The following TENM1 variants were observed in gnomAD, a reference collection of about 807,000 sequenced individuals.
TENM1 encodes teneurin transmembrane protein 1.
Under a neutral mutation model 174.8 loss-of-function variants are expected in TENM1, and 35 were observed. The observed-to-expected ratio is 0.20, with a 90% CI of 0.15 to 0.27. The LOEUF is 0.27. TENM1 is among the 10% of genes least tolerant of loss of function. The pLI, the probability that TENM1 is intolerant of heterozygous loss-of-function variation, is 1.00. For synonymous variants in TENM1, 781 were observed against 798.7 expected (o/e 0.98, Z 0.37); for missense variants, 1,633 against 2,130.1 (o/e 0.77, Z 4.59).
intron 3 of TENM1, among the ~76,000 whole-genome samples, chrX:124,764,259 A>G (rs1465463966): frequency 9.0e-6 from 1 of 111,312 alleles, no homozygotes; most frequent in African/African-American, 3.3e-5. Context: ...TGGTCTTTAA[A>G]CCCAAGACCA....
chrX:125,004,814 T>C, the TENM1 span, among the ~76,000 whole-genome samples: 1 of 112,074 alleles, frequency 8.9e-6, no homozygotes, highest in Non-Finnish European at 1.9e-5. Flanking sequence ...CTATGTTTTT[T>C]TCTTTTTTAA....
rs1236716244 is a variant in TENM1 at position 124,420,945 on chromosome X, C to T, written c.4472-124G>A. On this transcript the variant is annotated intron_variant, in intron 24 of 31. Transcript: ENST00000422452. Reference sequence around the variant, plus strand: ...GAAACAATCAGTGAACCAACATTCTCTGTATTCCCTCCCTGAAAAATATGA... The same window carrying T: ...GAAACAATCAGTGAACCAACATTCTTTGTATTCCCTCCCTGAAAAATATGA... The T allele has an allele frequency of 8.0e-6, 5 of 625,671 alleles. No homozygotes were observed. The East Asian group carries it at 1.0e-4, about 13-fold the overall frequency. The allele number at this position is 625,671 out of a possible 1,213,427, so 51.6% of individuals were successfully genotyped here.
chrX:125,124,318 T>C, the TENM1 span, among the ~76,000 whole-genome samples: 1 of 112,094 alleles, frequency 8.9e-6, no homozygotes, highest in Admixed American at 9.6e-5. Context: ...TCACAAGATA[T>C]GAGAATTTAG....
At chrX:124,821,604 G>A (rs1219374907) in intron 3 of TENM1, among the ~76,000 whole-genome samples, 1 of 112,058 alleles carries the variant, frequency 8.9e-6, no homozygotes, top group African/African-American at 3.2e-5. Flanking sequence ...GAATAAAACC[G>A]TTCAACCAAT....
chrX:124,517,877 G>A (rs73215113), intron 18 of TENM1, among the ~76,000 whole-genome samples: 18,287 of 109,927 alleles, frequency 0.17, 1,442 homozygotes, highest in African/African-American at 0.29. Context: ...GAGAAAAATT[G>A]GAGGAATTTT....
chrX:124,949,587 T>C (rs187650069), intron 1 of TENM1, among the ~76,000 whole-genome samples: 13 of 111,661 alleles, frequency 1.2e-4, no homozygotes, highest in Non-Finnish European at 1.9e-4. Context: ...GCAAGTAGTT[T>C]CTAGGTAGAG....
chrX:124,888,195 C>A (rs975688759), intron 3 of TENM1, among the ~76,000 whole-genome samples: 1 of 111,525 alleles, frequency 9.0e-6, no homozygotes, highest in Non-Finnish European at 1.9e-5. Context: ...GTAGCACATA[C>A]CGCACTACTT....
At chrX:124,619,712 T>C (rs756339741) in intron 11 of TENM1, among the ~76,000 whole-genome samples, 234 of 112,089 alleles carry the variant, frequency 2.1e-3, no homozygotes, top group African/African-American at 7.0e-3. Flanking sequence ...TGTGTCAATA[T>C]GGAAGAGTGT....
chrX:125,164,072 G>C, the TENM1 span, among the ~76,000 whole-genome samples: 2 of 111,648 alleles, frequency 1.8e-5, no homozygotes, highest in Non-Finnish European at 3.8e-5. Flanking sequence ...ATGTAATAAT[G>C]AGCTGATCTG....
the TENM1 span, among the ~76,000 whole-genome samples, chrX:125,154,650 A>G: frequency 2.7e-5 from 3 of 111,342 alleles, no homozygotes; most frequent in Admixed American, 2.9e-4. Context: ...GAATGAAGCC[A>G]CGGACCCTCG....
chrX:125,061,235 CATTT>C, the TENM1 span, among the ~76,000 whole-genome samples: 1 of 111,400 alleles, frequency 9.0e-6, no homozygotes, highest in African/African-American at 3.3e-5. Flanking sequence ...CTGCCTCTTT[CATTT>C]ATTTATTTCC....
chrX:125,069,146 C>G, the TENM1 span, among the ~76,000 whole-genome samples: 4 of 111,571 alleles, frequency 3.6e-5, no homozygotes, highest in African/African-American at 1.3e-4. Context: ...CTTTAACACT[C>G]ACCGCCCTCT....
chrX:124,837,144 A>C (rs1472365225), intron 3 of TENM1, among the ~76,000 whole-genome samples: 1 of 112,267 alleles, frequency 8.9e-6, no homozygotes, highest in Non-Finnish European at 1.9e-5. Flanking sequence ...GCAACAGTGC[A>C]ATGGCATGGT....
chrX:124,807,732 A>G (rs1348000033), intron 3 of TENM1, among the ~76,000 whole-genome samples: 1 of 111,755 alleles, frequency 8.9e-6, no homozygotes, highest in East Asian at 2.8e-4. Flanking sequence ...AATTGTCATC[A>G]AAGTTAAGTT....
At chrX:124,482,539 C>T (rs1326982807) in intron 21 of TENM1, among the ~76,000 whole-genome samples, 1 of 111,334 alleles carries the variant, frequency 9.0e-6, no homozygotes, top group Admixed American at 9.6e-5. Context: ...TTCCCTTTTT[C>T]AATTGACTAC....
At chrX:124,593,368 T>G (rs1206554135) in intron 11 of TENM1, among the ~76,000 whole-genome samples, 1 of 111,509 alleles carries the variant, frequency 9.0e-6, no homozygotes, top group Non-Finnish European at 1.9e-5. Context: ...CCATGATCTG[T>G]GCCCAGAAAG....
the TENM1 span, among the ~76,000 whole-genome samples, chrX:125,090,227 T>A: frequency 8.9e-6 from 1 of 111,989 alleles, no homozygotes; most frequent in Non-Finnish European, 1.9e-5. Flanking sequence ...CTTTCCACTG[T>A]ATGTCAGGCA....
chrX:124,752,774 C>T (rs1265459466), intron 3 of TENM1, among the ~76,000 whole-genome samples: 1 of 109,820 alleles, frequency 9.1e-6, no homozygotes, highest in Non-Finnish European at 1.9e-5. Flanking sequence ...GCTTGTTTTT[C>T]TCAGGTTTGT....
intron 5 of TENM1, among the ~76,000 whole-genome samples, chrX:124,686,421 A>G (rs1430508827): frequency 2.7e-5 from 3 of 112,438 alleles, no homozygotes; most frequent in East Asian, 5.6e-4. Context: ...AACATACAAA[A>G]GCATAAAATT....
Sources: allele counts gnomAD v4.1 joint callset (sites outside exome capture counted in the v4.1 genomes callset), GRCh38; gene constraint gnomAD v4.1.1; transcripts MANE v1.5; gene names NCBI Gene and HGNC (gene_info 2026-07-23, HGNC 2026-07-21).